Variants in DAB1 observed in about 807,000 individuals in gnomAD.
DAB1 encodes disabled homolog 1.
Under a neutral mutation model 64.6 loss-of-function variants are expected in DAB1, and 15 were observed. The ratio of observed to expected loss-of-function variants is 0.23; its 90% CI spans 0.16 to 0.36. The LOEUF (loss-of-function observed/expected upper bound fraction) is 0.36. Among genes scored for constraint, DAB1 ranks in the 10% least tolerant of loss-of-function variants. The pLI is 1.00. For missense variants in DAB1, 596 were observed against 706.7 expected (o/e 0.84, Z 1.78); for synonymous variants, 235 against 251.9 (o/e 0.93, Z 0.64).
At chr1:57,126,957 C>A (rs1471104302) in intron 4 of DAB1, among the ~76,000 whole-genome samples, 1 of 152,198 alleles carries the variant, frequency 6.6e-6, no homozygotes, top group Non-Finnish European at 1.5e-5. Flanking sequence ...CGTTCCTTTA[C>A]TGTAACCAGA....
chr1:57,685,187 C>T (rs969366819), intron 6 of DAB1, among the ~76,000 whole-genome samples: 1 of 151,574 alleles, frequency 6.6e-6, no homozygotes, highest in Non-Finnish European at 1.5e-5. Context: ...CTCCTGACCT[C>T]GTGATCTGCC....
intron 1 of DAB1, among the ~76,000 whole-genome samples, chr1:57,311,863 T>G (rs1445029323): frequency 1.3e-5 from 2 of 152,206 alleles, no homozygotes; most frequent in Non-Finnish European, 2.9e-5. Context: ...ATGATGATGG[T>G]GATGGTAAAA....
intron 3 of DAB1, among the ~76,000 whole-genome samples, chr1:58,488,153 C>T (rs1479965431): frequency 6.6e-6 from 1 of 152,062 alleles, no homozygotes; most frequent in Non-Finnish European, 1.5e-5. Context: ...AATATAACTA[C>T]ATCATTATAA....
chr1:57,025,863 G>A, intron 10 of DAB1, 118 bp downstream of exon 10: 2 of 768,632 alleles, frequency 2.6e-6, no homozygotes, highest in Non-Finnish European at 4.2e-6. Flanking sequence ...GCTTGAAAGA[G>A]TCAACACTGA....
At chr1:57,527,881 C>T (rs1337282834) in intron 7 of DAB1, among the ~76,000 whole-genome samples, 3 of 152,198 alleles carry the variant, frequency 2.0e-5, no homozygotes, top group African/African-American at 7.2e-5. Flanking sequence ...CAAACAGTGC[C>T]ATTTCTATCA....
chr1:57,421,744 A>C (rs1430615803), intron 1 of DAB1, among the ~76,000 whole-genome samples: 26 of 152,094 alleles, frequency 1.7e-4, no homozygotes, highest in Admixed American at 1.7e-3. Flanking sequence ...AATCAAGGAC[A>C]TCAGCAGACA....
intron 7 of DAB1, among the ~76,000 whole-genome samples, chr1:57,602,736 A>AT (rs1207119271): frequency 1.3e-5 from 2 of 152,126 alleles, no homozygotes; most frequent in African/African-American, 4.8e-5. Flanking sequence ...ATCCTTTCCA[A>AT]TGTCTTCCCA....
chr1:58,056,736 T>C (rs549847090), intron 5 of DAB1, among the ~76,000 whole-genome samples: 1 of 152,304 alleles, frequency 6.6e-6, no homozygotes, highest in South Asian at 2.1e-4. Flanking sequence ...CCGGTTGAGG[T>C]AAGCCAACAG....
chr1:58,449,802 T>C (rs905503670), intron 3 of DAB1, among the ~76,000 whole-genome samples: 1 of 152,220 alleles, frequency 6.6e-6, no homozygotes, highest in African/African-American at 2.4e-5. Flanking sequence ...CTTCCATATA[T>C]CATAGCAGTC....
At chr1:57,439,320 A>G (rs1397472647) in intron 7 of DAB1, among the ~76,000 whole-genome samples, 2 of 151,970 alleles carry the variant, frequency 1.3e-5, no homozygotes, top group East Asian at 3.9e-4. Context: ...TACCTTAACA[A>G]TAATTTGAAC....
chr1:57,266,436 G>A (rs1670594877), intron 2 of DAB1, among the ~76,000 whole-genome samples: 1 of 152,144 alleles, frequency 6.6e-6, no homozygotes, highest in Non-Finnish European at 1.5e-5. Flanking sequence ...ATTCACTCAT[G>A]AATTCCTTTT....
At chr1:57,468,330 C>A (rs1396290511) in intron 7 of DAB1, among the ~76,000 whole-genome samples, 2 of 152,086 alleles carry the variant, frequency 1.3e-5, no homozygotes, top group African/African-American at 2.4e-5. Context: ...TCTAGACTGA[C>A]CTTTTATGAG....
At chr1:57,285,660 C>CA (rs1672255711) in intron 2 of DAB1, among the ~76,000 whole-genome samples, 1 of 152,156 alleles carries the variant, frequency 6.6e-6, no homozygotes, top group African/African-American at 2.4e-5. Flanking sequence ...AAACCAGGCT[C>CA]AAGGAGGCTA....
intron 14 of DAB1, among the ~76,000 whole-genome samples, chr1:56,999,730 G>A (rs1282448558): frequency 2.6e-5 from 4 of 152,172 alleles, no homozygotes; most frequent in African/African-American, 7.2e-5. Context: ...CAGAGTCACA[G>A]GGTTACTTAG....
intron 4 of DAB1, among the ~76,000 whole-genome samples, chr1:58,290,265 G>A (rs914735706): frequency 2.0e-5 from 3 of 152,172 alleles, no homozygotes; most frequent in Non-Finnish European, 2.9e-5. Context: ...GGGGATCAGG[G>A]AAGAGCAAAC....
chr1:57,773,499 G>C (rs1224794104), intron 6 of DAB1, among the ~76,000 whole-genome samples: 1 of 151,762 alleles, frequency 6.6e-6, no homozygotes, highest in Non-Finnish European at 1.5e-5. Context: ...AAGAACAAAA[G>C]TTTTTAATTC....
At chr1:57,417,096 A>G (rs1684547885) in intron 1 of DAB1, among the ~76,000 whole-genome samples, 1 of 152,180 alleles carries the variant, frequency 6.6e-6, no homozygotes, top group African/African-American at 2.4e-5. Flanking sequence ...CAAATTTAGG[A>G]TAGTGACTAT....
chr1:58,527,339 A>C (rs1384714397), intron 1 of DAB1: 2 of 871,370 alleles, frequency 2.3e-6, no homozygotes, highest in Non-Finnish European at 4.0e-6. Flanking sequence ...ACATATACTA[A>C]GAAGAAATGA....
At chr1:57,772,755 C>A (rs1235747631) in intron 6 of DAB1, among the ~76,000 whole-genome samples, 1 of 152,046 alleles carries the variant, frequency 6.6e-6, no homozygotes, top group East Asian at 1.9e-4. Flanking sequence ...TTGCAATTTC[C>A]TGATGATGTT....
Sources: gnomAD v4.1 joint callset for allele counts (sites outside exome capture counted in the v4.1 genomes callset) on GRCh38, gnomAD v4.1.1 for gene constraint, MANE v1.5 for transcripts, NCBI Gene and HGNC (gene_info 2026-07-23, HGNC 2026-07-21) for gene names.